The following NHS variants were observed in gnomAD, a reference collection of about 807,000 sequenced individuals.
NHS encodes actin remodeling regulator NHS.
Under a neutral mutation model 72.5 loss-of-function variants are expected in NHS, and 5 were observed. That is an observed-to-expected ratio of 0.07 (90% CI 0.04 to 0.14). The LOEUF is 0.14. Ranked by LOEUF, NHS falls within the 10% of genes least tolerant of loss-of-function variation. The pLI is 1.00. For missense variants in NHS, 1,072 were observed against 1,355.7 expected (o/e 0.79, Z 3.29); for synonymous variants, 464 against 547.7 (o/e 0.85, Z 2.13).
intron 1 of NHS, among the ~76,000 whole-genome samples, chrX:17,574,161 G>A (rs1213429338): frequency 8.9e-6 from 1 of 112,102 alleles, no homozygotes; most frequent in Non-Finnish European, 1.9e-5. Context: ...GAGGCAGTCT[G>A]TCCATCATTA....
chrX:17,477,300 G>C (rs1163859913), intron 1 of NHS, among the ~76,000 whole-genome samples: 1 of 111,673 alleles, frequency 9.0e-6, no homozygotes, highest in Admixed American at 9.6e-5. Flanking sequence ...CTGAAGAAGA[G>C]AGTTCCAAGC....
chrX:17,712,290 T>C (rs4317708), intron 3 of NHS, among the ~76,000 whole-genome samples: 7,519 of 52,538 alleles, frequency 0.14, 747 homozygotes, highest in Non-Finnish European at 0.21. Flanking sequence ...TATATATATA[T>C]ACACACACAC....
At chrX:17,380,582 C>T (rs1009232413) in intron 1 of NHS, among the ~76,000 whole-genome samples, 2 of 110,925 alleles carry the variant, frequency 1.8e-5, no homozygotes, top group Non-Finnish European at 3.8e-5. Context: ...CGAACTCTTG[C>T]GCTGAAGCAG....
intron 1 of NHS, 167 bp from the exon 2 acceptor site, chrX:17,687,575 T>C (rs2066170325): frequency 1.5e-6 from 1 of 651,156 alleles, no homozygotes. Flanking sequence ...ATCAGTATCA[T>C]AAATGCCAAA....
At chrX:17,650,130 G>C (rs188425507) in intron 1 of NHS, among the ~76,000 whole-genome samples, 2 of 112,653 alleles carry the variant, frequency 1.8e-5, no homozygotes, top group Admixed American at 1.9e-4. Context: ...AAATACAGTA[G>C]AGCTAGAATT....
chrX:17,708,200 G>C (rs776773355), intron 3 of NHS, among the ~76,000 whole-genome samples: 1 of 111,754 alleles, frequency 8.9e-6, no homozygotes, highest in East Asian at 2.8e-4. Flanking sequence ...AAATTATTCT[G>C]TGATCCCAAA....
intron 1 of NHS, among the ~76,000 whole-genome samples, chrX:17,471,052 C>G (rs2064890586): frequency 8.9e-6 from 1 of 111,879 alleles, no homozygotes; most frequent in Admixed American, 9.5e-5. Context: ...GTAGCTGGAA[C>G]TTATGTTTAA....
chrX:17,472,027 T>C (rs781456235), intron 1 of NHS, among the ~76,000 whole-genome samples: 5 of 111,621 alleles, frequency 4.5e-5, no homozygotes, highest in Admixed American at 1.9e-4. Flanking sequence ...TGAACCCTGC[T>C]GTATAAAGTA....
intron 1 of NHS, among the ~76,000 whole-genome samples, chrX:17,492,125 C>T (rs956066453): frequency 4.5e-5 from 5 of 111,055 alleles, no homozygotes; most frequent in African/African-American, 1.6e-4. Context: ...TTTCATGTCT[C>T]TATCTCCTTC....
At chrX:17,447,904 T>C (rs1228365735) in intron 1 of NHS, among the ~76,000 whole-genome samples, 2 of 111,156 alleles carry the variant, frequency 1.8e-5, no homozygotes, top group Non-Finnish European at 3.8e-5. Context: ...TAAAGAAGTA[T>C]AACTATTTTT....
chrX:17,504,385 T>G (rs2146926315), intron 1 of NHS, among the ~76,000 whole-genome samples: 1 of 112,276 alleles, frequency 8.9e-6, no homozygotes, highest in African/African-American at 3.2e-5. Flanking sequence ...ATATGTATAC[T>G]TCTCCCACAG....
intron 1 of NHS, among the ~76,000 whole-genome samples, chrX:17,537,573 A>T (rs928303689): frequency 8.9e-6 from 1 of 112,605 alleles, no homozygotes; most frequent in Non-Finnish European, 1.9e-5. Context: ...ACTTCAAAAA[A>T]GAAAAGTATC....
chrX:17,690,036 C>T (rs1412904901), intron 2 of NHS, among the ~76,000 whole-genome samples: 1 of 111,227 alleles, frequency 9.0e-6, no homozygotes, highest in Non-Finnish European at 1.9e-5. Context: ...GATGTGGGGC[C>T]TCCTGGGGTT....
intron 1 of NHS, among the ~76,000 whole-genome samples, chrX:17,547,390 C>A (rs1166101723): frequency 2.7e-5 from 3 of 111,740 alleles, no homozygotes; most frequent in Non-Finnish European, 5.6e-5. Flanking sequence ...TGCAGGGAAG[C>A]CACATACTTT....
chrX:17,538,954 G>C (rs758563625), intron 1 of NHS, among the ~76,000 whole-genome samples: 2 of 111,832 alleles, frequency 1.8e-5, no homozygotes, highest in South Asian at 3.7e-4. Flanking sequence ...CAGGCTTTTT[G>C]GCTTTCCATT....
chrX:17,407,414 AC>A (rs1333359587), intron 1 of NHS, among the ~76,000 whole-genome samples: 39 of 111,552 alleles, frequency 3.5e-4, no homozygotes, highest in African/African-American at 1.3e-3. Context: ...AGGGATTATA[AC>A]CCAATTTTTC....
chrX:17,466,929 G>A (rs989502377), intron 1 of NHS, among the ~76,000 whole-genome samples: 5 of 111,904 alleles, frequency 4.5e-5, no homozygotes, highest in African/African-American at 6.5e-5. Context: ...ATAAGCTCTG[G>A]ATGTCCACGT....
intron 1 of NHS, among the ~76,000 whole-genome samples, chrX:17,399,261 C>A (rs2064491239): frequency 9.0e-6 from 1 of 111,083 alleles, no homozygotes; most frequent in Non-Finnish European, 1.9e-5. Flanking sequence ...ACCACCACGG[C>A]TGGCTAATTT....
At chrX:17,550,563 G>C (rs1439014746) in intron 1 of NHS, among the ~76,000 whole-genome samples, 2 of 111,643 alleles carry the variant, frequency 1.8e-5, no homozygotes, top group Non-Finnish European at 3.8e-5. Context: ...TGGTCTAGTT[G>C]GATGCCCATG....
Sources: allele counts gnomAD v4.1 joint callset (sites outside exome capture counted in the v4.1 genomes callset), GRCh38; gene constraint gnomAD v4.1.1; transcripts MANE v1.5; gene names NCBI Gene and HGNC (gene_info 2026-07-23, HGNC 2026-07-21).